The following TBCD variants were observed in gnomAD, a reference collection of about 807,000 sequenced individuals.
TBCD encodes tubulin-specific chaperone D.
TBCD carries 105 observed loss-of-function variants against 169.3 expected under a neutral mutation model. That is an observed-to-expected ratio of 0.62 (90% CI 0.53 to 0.73). The LOEUF (loss-of-function observed/expected upper bound fraction) is 0.73. Among genes scored for constraint, TBCD ranks in the 30% least tolerant of loss-of-function variants. The probability of loss-of-function intolerance (pLI) is 0.00; values close to 1 mark genes in which losing one functional copy is unlikely to be tolerated. For missense variants in TBCD, 1,444 were observed against 1,600.1 expected, an observed-to-expected ratio of 0.90 and a Z score of 1.66; for synonymous variants, 700 against 643.9, an observed-to-expected ratio of 1.09 and a Z score of -1.32.
Position 82,930,801 on chromosome 17 carries a change from C to T in TBCD, c.3113+158C>T, listed in dbSNP as rs971802802. ...TTGGTGGCTCAGCGAGGAAGATGTG[C>T]CTGCAGCATATGGTTCTCCGGGCGG... On this transcript the variant is annotated intron_variant, in intron 33 of 38. Coordinates refer to ENST00000355528, the MANE Select transcript of TBCD (RefSeq NM_005993.5). The surrounding 1 kb of genome is among the most constrained non-coding windows in gnomAD (Gnocchi z 5.2). 2.6e-5 allele frequency among the ~76,000 whole-genome samples: 4 copies of T among 152,206 alleles called. No individual in the cohort carries two copies. Among genetic ancestry groups the T allele is most frequent in the African/African-American group, 4.8e-5 (2 of 41,454 alleles).
rs142460137 is a variant in TBCD, at chr17:82,832,026, C to A, written c.1318+17092C>A. 1.2e-6 allele frequency: 2 copies of A among 1,612,622 alleles called. No individual in the cohort carries two copies. Among genetic ancestry groups the A allele is most frequent in the Admixed American group, 1.7e-5 (1 of 59,990 alleles). On this transcript the variant is annotated intron_variant, in intron 13 of 38. Coordinates refer to ENST00000355528, the MANE Select transcript of TBCD (RefSeq NM_005993.5). This position sits in a 1 kb window ranked among gnomAD's most constrained non-coding sequence, Gnocchi z 4.9. ...CAGGCTGGGCACCGAGGGCGGCTTC[C>A]GGAGCTGGGCTCTTGCAGGGTGATG... is the stretch of plus-strand genomic sequence containing the variant.
At position 82,929,252 on chromosome 17, in the gene TBCD, C is replaced by T. The variant is rs1599644747; in HGVS notation, c.2833C>T (p.Leu945=). 1.9e-6 allele frequency: 3 copies of T among 1,613,780 alleles called. No homozygotes were observed. Among genetic ancestry groups the T allele is most frequent in the South Asian group, 1.1e-5 (1 of 91,084 alleles). ...CCCCCACGTGCCCCACCGAGGAGAA[C>T]TGGAAAAGCTGTTTCCCAGGTACTG... is the stretch of plus-strand genomic sequence containing the variant. ...PIPHVPHRGE[L]EKLFPRSDVA... The change falls in exon 31 of 39, where the codon CTG becomes TTG. Residue 945 remains leucine, a synonymous_variant. Transcript: ENST00000355528.
intron 13 of TBCD, among the ~76,000 whole-genome samples, chr17:82,825,801 C>T (rs941901508): frequency 6.6e-5 from 10 of 152,162 alleles, no homozygotes; most frequent in East Asian, 1.9e-4. Context: ...TACCATTCTT[C>T]GTTAAAAAAT....
chr17:82,937,183 C>T (rs748807778), intron 34 of TBCD, 88 bp from the exon 35 acceptor site: 138 of 1,227,020 alleles, frequency 1.1e-4, no homozygotes, highest in Non-Finnish European at 1.5e-4. Flanking sequence ...ACTGGGAGGA[C>T]GGAGTTGACC....
At chr17:82,838,079 G>A (rs995917052) in intron 13 of TBCD, among the ~76,000 whole-genome samples, 6 of 152,234 alleles carry the variant, frequency 3.9e-5, no homozygotes, top group Non-Finnish European at 7.3e-5. Context: ...CTGAGAGCTC[G>A]CTTCTCTTCC....
intron 33 of TBCD, among the ~76,000 whole-genome samples, chr17:82,931,418 G>A (rs959109678): frequency 9.2e-5 from 14 of 152,342 alleles, no homozygotes; most frequent in Non-Finnish European, 1.6e-4. Flanking sequence ...CTTCGAGTCC[G>A]TGCCCCTGAC....
rs892163664 is a variant in TBCD, at chr17:82,833,921, G to T, written c.1318+18987G>T. 6.6e-6 allele frequency among the ~76,000 whole-genome samples: 1 copy of T among 151,766 alleles called. No individual in the cohort carries two copies. Among genetic ancestry groups the T allele is most frequent in the Non-Finnish European group, 1.5e-5 (1 of 67,976 alleles). ...TCAGGTTTCCTTCAGAGGCTGTGCC[G>T]CACGCCCAAGGCTGAGAACAAAGGC... On this transcript the variant is annotated intron_variant, in intron 13 of 38. Coordinates refer to ENST00000355528, the MANE Select transcript of TBCD (RefSeq NM_005993.5). This position sits in a 1 kb window ranked among gnomAD's most constrained non-coding sequence, Gnocchi z 4.7.
intron 13 of TBCD, among the ~76,000 whole-genome samples, chr17:82,839,118 T>G (rs2054239653): frequency 2.0e-5 from 3 of 152,246 alleles, no homozygotes; most frequent in Admixed American, 6.5e-5. Context: ...ATGCCCAATT[T>G]TAAACTTCAT....
intron 37 of TBCD, among the ~76,000 whole-genome samples, chr17:82,940,244 C>CACACACACA (rs1055403898): frequency 6.6e-6 from 1 of 150,812 alleles, no homozygotes; most frequent in African/African-American, 2.4e-5. Context: ...CACACACACA[C>CACACACACA]ACTTCTAAAA....
chr17:82,938,054 G>T lies in TBCD; in HGVS notation c.3287G>T (p.Cys1096Phe), dbSNP rs780202280. 1.2e-6 allele frequency: 2 copies of T among 1,613,112 alleles called. No homozygotes were observed. ...QKLLSGIAVF[C>F]EMVQFPGDVR... ...CCATGTGCTGCTCCCGGCAGGTTCT[G>T]CGAGATGGTGCAGTTCCCCGGCGAC... The change falls in exon 36 of 39, where the codon TGC becomes TTC. Residue 1096 changes from cysteine (C) to phenylalanine (F), a missense_variant. By Grantham distance (205) the Cys-to-Phe change is radical. Transcript: ENST00000355528.
intron 15 of TBCD, among the ~76,000 whole-genome samples, chr17:82,888,951 C>T (rs2058944515): frequency 6.6e-6 from 1 of 152,172 alleles, no homozygotes; most frequent in African/African-American, 2.4e-5. Context: ...TCCTGGGACA[C>T]TGAAGTCTCC....
At chr17:82,786,203 T>G (rs8078282) in intron 7 of TBCD, among the ~76,000 whole-genome samples, 1,918 of 152,152 alleles carry the variant, frequency 0.013, 53 homozygotes, top group African/African-American at 0.044. Context: ...TGAGGTGGCT[T>G]CGAGGGCTTC....
Position 82,782,836 on chromosome 17 carries a change from G to A in TBCD, c.771+1115G>A, listed in dbSNP as rs575490025. Among the ~76,000 whole-genome samples the A allele has an allele frequency of 6.6e-6, 1 of 150,386 alleles. No individual in the cohort carries two copies. Among genetic ancestry groups the A allele is most frequent in the East Asian group, 2.0e-4 (1 of 5,094 alleles). On this transcript the variant is annotated intron_variant, in intron 7 of 38. Transcript: ENST00000355528. This position sits in a 1 kb window ranked among gnomAD's most constrained non-coding sequence, Gnocchi z 5.1. ...GTGGCGTCGTCCTGTCTGCGGTGGCGTCCTCCTGTCCGCAGAGGCGTCCTC... is the reference window on the plus strand; with the variant it reads ...GTGGCGTCGTCCTGTCTGCGGTGGCATCCTCCTGTCCGCAGAGGCGTCCTC...
At chr17:82,883,240 G>A (rs936128121) in intron 14 of TBCD, among the ~76,000 whole-genome samples, 11 of 152,380 alleles carry the variant, frequency 7.2e-5, no homozygotes, top group Non-Finnish European at 1.0e-4. Context: ...CCTCGGAGGC[G>A]CTGGCGGCCT....
chr17:82,924,085 G>A (rs1001002396), intron 26 of TBCD, among the ~76,000 whole-genome samples: 1 of 152,126 alleles, frequency 6.6e-6, no homozygotes, highest in African/African-American at 2.4e-5. Flanking sequence ...TCCTGAGTAG[G>A]TGGGACTACA....
intron 6 of TBCD, among the ~76,000 whole-genome samples, chr17:82,774,282 T>C (rs2144140543): frequency 6.6e-6 from 1 of 152,244 alleles, no homozygotes. Flanking sequence ...CAAGCATCTG[T>C]TTAACAAAGC....
rs548502283 is a variant in TBCD at position 82,922,043 on chromosome 17, C to G, written c.2178+466C>G. Among the ~76,000 whole-genome samples the G allele has an allele frequency of 8.9e-4, 135 of 152,274 alleles. No homozygotes were observed. Among genetic ancestry groups the G allele is most frequent in the African/African-American group, 3.0e-3 (124 of 41,558 alleles). Reference sequence around the variant, plus strand: ...CCGGCCACCTGCCCTCCCCTCCCGTCCTGGGGGTTACAGGTGGACTTTGGA... The same window carrying G: ...CCGGCCACCTGCCCTCCCCTCCCGTGCTGGGGGTTACAGGTGGACTTTGGA... On this transcript the variant is annotated intron_variant, in intron 25 of 38. Coordinates refer to ENST00000355528, the MANE Select transcript of TBCD (RefSeq NM_005993.5). This position sits in a 1 kb window ranked among gnomAD's most constrained non-coding sequence, Gnocchi z 4.1.
intron 13 of TBCD, among the ~76,000 whole-genome samples, chr17:82,862,976 T>C (rs1416212387): frequency 6.6e-6 from 1 of 152,166 alleles, no homozygotes; most frequent in African/African-American, 2.4e-5. Context: ...GGTCTTGCGG[T>C]GTGGCTGGGG....
At chr17:82,758,422 T>A (rs1015473094) in intron 2 of TBCD, among the ~76,000 whole-genome samples, 1 of 90,112 alleles carries the variant, frequency 1.1e-5, no homozygotes, top group Non-Finnish European at 2.5e-5. Context: ...TAAATAAATT[T>A]TTTTTTTTGT....
Sources: gnomAD v4.1 joint callset for allele counts (sites outside exome capture counted in the v4.1 genomes callset) on GRCh38, gnomAD v4.1.1 for gene constraint, Gnocchi (gnomAD v3.1) non-coding constraint, MANE v1.5 for transcripts, NCBI Gene and HGNC (gene_info 2026-07-23, HGNC 2026-07-21) for gene names.